PAPPA2: variants seen among roughly 807,000 people sequenced by gnomAD.
PAPPA2 encodes the protein pappalysin-2.
In PAPPA2, 86 loss-of-function variants were observed where a neutral mutation model predicts 176.4. The ratio of observed to expected loss-of-function variants is 0.49; its 90% CI spans 0.41 to 0.58. The LOEUF (loss-of-function observed/expected upper bound fraction) is 0.58. PAPPA2 is among the 20% of genes least tolerant of loss of function. The probability of loss-of-function intolerance (pLI) is 0.00; values close to 1 mark genes in which losing one functional copy is unlikely to be tolerated. For missense variants in PAPPA2, 2,073 were observed against 2,256.9 expected (o/e 0.92, Z 1.65); for synonymous variants, 809 against 852.2 (o/e 0.95, Z 0.88).
At position 176,509,066 on chromosome 1, in the gene PAPPA2, A is replaced by G. The variant is rs186440647; in HGVS notation, c.-917+45648A>G. On this transcript the variant is annotated intron_variant, in intron 1 of 22. Coordinates refer to ENST00000367662, the MANE Select transcript of PAPPA2 (RefSeq NM_020318.3). ...AATATAATATGTATAATTAGAGTTT[A>G]TTATATCTAATATATAAGTAGAGAA... Among the ~76,000 whole-genome samples, 509 of 150,168 alleles carry G rather than the reference A, an allele frequency of 3.4e-3. 2 individuals carry two copies. The highest frequency in any genetic ancestry group is 5.2e-3 in the Non-Finnish European group (350 of 66,964).
intron 4 of PAPPA2, among the ~76,000 whole-genome samples, chr1:176,688,293 T>C (rs2102801820): frequency 6.6e-6 from 1 of 152,310 alleles, no homozygotes; most frequent in East Asian, 1.9e-4. Flanking sequence ...CTTAGAATTA[T>C]ATCCACTGAT....
rs1252138132 is a variant in PAPPA2 at position 176,536,366 on chromosome 1, T to C, written c.-916-19041T>C. ...TGATGCTGAACAACATGTTCAGTTA[T>C]CTGTTGCCACAATCATGCTACATAA... is the stretch of plus-strand genomic sequence containing the variant. On this transcript the variant is annotated intron_variant, in intron 1 of 22. Transcript: ENST00000367662. Among the ~76,000 whole-genome samples the C allele has an allele frequency of 3.3e-5, 5 of 152,360 alleles. No homozygotes were observed. The East Asian group carries it at 9.6e-4, about 29-fold the overall frequency.
intron 21 of PAPPA2, among the ~76,000 whole-genome samples, chr1:176,835,185 G>A (rs1001812294): frequency 6.6e-6 from 1 of 152,272 alleles, no homozygotes; most frequent in East Asian, 1.9e-4. Context: ...ATCGTAGAAA[G>A]AACAGAAGAC....
At chr1:176,540,559 C>A (rs950810709) in intron 1 of PAPPA2, among the ~76,000 whole-genome samples, 9 of 152,170 alleles carry the variant, frequency 5.9e-5, no homozygotes, top group Admixed American at 5.9e-4. Context: ...ACTGGTGTAG[C>A]CCCAGAATCT....
At position 176,666,405 on chromosome 1, in the gene PAPPA2, A is replaced by G. The variant is rs948495439; in HGVS notation, c.1992-4565A>G. Among the ~76,000 whole-genome samples the G allele has an allele frequency of 1.6e-4, 24 of 152,268 alleles. No homozygotes were observed. In the Middle Eastern group the frequency reaches 0.02, roughly 129 times the overall value. On this transcript the variant is annotated intron_variant, in intron 3 of 22. Transcript: ENST00000367662. Reference sequence around the variant, plus strand: ...TAATGGGATTAGGAGGTACATGGAAAAAAAGTGAATGGGAGATGAAAAAAT... The same window carrying G: ...TAATGGGATTAGGAGGTACATGGAAGAAAAGTGAATGGGAGATGAAAAAAT...
chr1:176,600,956 G>A (rs1654286329), intron 3 of PAPPA2, among the ~76,000 whole-genome samples: 1 of 151,986 alleles, frequency 6.6e-6, no homozygotes, highest in Non-Finnish European at 1.5e-5. Context: ...CAATCTTCCT[G>A]CTATGGTTCC....
chr1:176,465,202 G>A (rs1227780968), intron 1 of PAPPA2, among the ~76,000 whole-genome samples: 1 of 152,158 alleles, frequency 6.6e-6, no homozygotes, highest in Non-Finnish European at 1.5e-5. Context: ...AATGCTACTT[G>A]GATGAGCATC....
At chr1:176,775,140 T>C (rs1265424446) in intron 17 of PAPPA2, among the ~76,000 whole-genome samples, 1 of 152,210 alleles carries the variant, frequency 6.6e-6, no homozygotes, top group Non-Finnish European at 1.5e-5. Context: ...TGATATCACT[T>C]ATCTCACTGA....
chr1:176,816,092 C>T (rs939886495), intron 21 of PAPPA2, among the ~76,000 whole-genome samples: 3 of 140,296 alleles, frequency 2.1e-5, no homozygotes, highest in Non-Finnish European at 4.6e-5. Flanking sequence ...TAGTTCCCAG[C>T]TTGACTTTTC....
intron 14 of PAPPA2, among the ~76,000 whole-genome samples, chr1:176,761,782 A>T (rs775844831): frequency 1.3e-5 from 2 of 152,214 alleles, no homozygotes; most frequent in Non-Finnish European, 2.9e-5. Flanking sequence ...CCAGTCTCCA[A>T]ACAGCTTTAG....
intron 20 of PAPPA2, among the ~76,000 whole-genome samples, chr1:176,795,248 G>C (rs1400937217): frequency 1.3e-5 from 2 of 151,796 alleles, no homozygotes; most frequent in Non-Finnish European, 2.9e-5. Flanking sequence ...CAATTCCCCA[G>C]TAAACTGTAC....
intron 3 of PAPPA2, among the ~76,000 whole-genome samples, chr1:176,648,706 C>T: frequency 6.6e-6 from 1 of 151,132 alleles, no homozygotes; most frequent in Non-Finnish European, 1.5e-5. Flanking sequence ...GGCTTTTGTT[C>T]TTGGTTATGT....
intron 12 of PAPPA2, among the ~76,000 whole-genome samples, chr1:176,721,560 A>G (rs1249747504): frequency 2.6e-5 from 4 of 152,154 alleles, no homozygotes; most frequent in Non-Finnish European, 4.4e-5. Context: ...CTAGGTAGCC[A>G]GTTGTTTTCT....
chr1:176,756,050 C>T (rs1663403724), intron 14 of PAPPA2, among the ~76,000 whole-genome samples: 1 of 152,064 alleles, frequency 6.6e-6, no homozygotes, highest in Non-Finnish European at 1.5e-5. Context: ...TGTCCATCTC[C>T]CGGGTTCAAG....
At chr1:176,729,752 G>A (rs1248632920) in intron 12 of PAPPA2, among the ~76,000 whole-genome samples, 1 of 152,032 alleles carries the variant, frequency 6.6e-6, no homozygotes, top group Admixed American at 6.6e-5. Context: ...TCAAGAACTT[G>A]CTACCTATAC....
rs538243905 is a variant in PAPPA2 at position 176,508,233 on chromosome 1, G to A, written c.-917+44815G>A. 1.3e-4 allele frequency among the ~76,000 whole-genome samples: 20 copies of A among 152,188 alleles called. No individual in the cohort carries two copies. The South Asian group carries it at 3.3e-3, about 25-fold the overall frequency. On this transcript the variant is annotated intron_variant, in intron 1 of 22. Transcript: ENST00000367662. Reference sequence around the variant, plus strand: ...TAAAATTAACCAAATGTGGCATTCCGTAAAATTACTAATCATGTGAAAACA... The same window carrying A: ...TAAAATTAACCAAATGTGGCATTCCATAAAATTACTAATCATGTGAAAACA...
At chr1:176,834,708 G>A (rs890575066) in intron 21 of PAPPA2, among the ~76,000 whole-genome samples, 4 of 152,108 alleles carry the variant, frequency 2.6e-5, no homozygotes, top group Admixed American at 6.5e-5. Flanking sequence ...GGTGGCTCAC[G>A]CCTGTAATCC....
At chr1:176,589,470 G>T (rs146267378) in intron 2 of PAPPA2, among the ~76,000 whole-genome samples, 2 of 152,296 alleles carry the variant, frequency 1.3e-5, no homozygotes, top group African/African-American at 4.8e-5. Context: ...AAGGTAAGGT[G>T]CTTAAACAGT....
chr1:176,703,013 T>C (rs1267984957), intron 9 of PAPPA2, among the ~76,000 whole-genome samples: 1 of 152,006 alleles, frequency 6.6e-6, no homozygotes, highest in Non-Finnish European at 1.5e-5. Flanking sequence ...AGTATTGAGG[T>C]ATTGAGGCCG....
Sources: gnomAD v4.1 joint callset for allele counts (sites outside exome capture counted in the v4.1 genomes callset) on GRCh38, gnomAD v4.1.1 for gene constraint, MANE v1.5 for transcripts, NCBI Gene and HGNC (gene_info 2026-07-23, HGNC 2026-07-21) for gene names.